Variants in CPSF3 observed in about 807,000 individuals in gnomAD.
The protein encoded by CPSF3 is cleavage and polyadenylation specific factor 3.
A neutral mutation model predicts 84.1 loss-of-function variants in CPSF3; 57 were observed. The observed-to-expected ratio is 0.68, with a 90% CI of 0.55 to 0.85. The LOEUF (loss-of-function observed/expected upper bound fraction) is 0.85, where lower values mean the gene tolerates loss of function less well. Ranked by LOEUF, CPSF3 falls within the 40% of genes least tolerant of loss-of-function variation. The pLI, the probability that CPSF3 is intolerant of heterozygous loss-of-function variation, is 0.00. For synonymous variants in CPSF3, 275 were observed against 278.1 expected, an observed-to-expected ratio of 0.99 and a Z score of 0.11; for missense variants, 522 against 838.8, an observed-to-expected ratio of 0.62 and a Z score of 4.66.
chr2:9,446,008 A>G (rs1291586998), intron 10 of CPSF3, among the ~76,000 whole-genome samples: 1 of 152,226 alleles, frequency 6.6e-6, no homozygotes, highest in Non-Finnish European at 1.5e-5. Flanking sequence ...GTGTGAAATC[A>G]CTTGGTCAAG....
chr2:9,468,653 G>A (rs1682058423), intron 16 of CPSF3, among the ~76,000 whole-genome samples: 1 of 121,426 alleles, frequency 8.2e-6, no homozygotes, highest in South Asian at 2.5e-4. Flanking sequence ...TTGAGACGGA[G>A]TCTCACTCTG....
At chr2:9,444,158 ATTTT>A (rs869193869) in intron 10 of CPSF3, among the ~76,000 whole-genome samples, 22 of 123,178 alleles carry the variant, frequency 1.8e-4, no homozygotes, top group African/African-American at 7.6e-4. Context: ...ATATATATAT[ATTTT>A]TTTTTTTTTT....
intron 11 of CPSF3, among the ~76,000 whole-genome samples, chr2:9,450,104 C>T (rs1007310911): frequency 7.3e-5 from 11 of 150,976 alleles, no homozygotes; most frequent in African/African-American, 2.7e-4. Context: ...CTCAGCTGAT[C>T]CTCCCCTCTC....
intron 10 of CPSF3, among the ~76,000 whole-genome samples, chr2:9,445,369 C>T (rs1681095727): frequency 6.6e-6 from 1 of 152,176 alleles, no homozygotes; most frequent in Non-Finnish European, 1.5e-5. Flanking sequence ...TGGGTGGACA[C>T]TCGGGTTGTG....
intron 11 of CPSF3, among the ~76,000 whole-genome samples, chr2:9,452,350 T>C (rs1156465766): frequency 2.7e-5 from 4 of 150,348 alleles, no homozygotes; most frequent in Admixed American, 1.3e-4. Flanking sequence ...AAAAGAATAG[T>C]GGGTTTCACG....
intron 9 of CPSF3, 28 bp from the exon 10 acceptor site, chr2:9,443,486 GT>G: frequency 6.3e-7 from 1 of 1,592,002 alleles, no homozygotes; most frequent in Non-Finnish European, 8.6e-7. Context: ...TGGGTAGTTT[GT>G]TTTGTTATTT....
chr2:9,428,072 C>A (rs1334111460), intron 1 of CPSF3, among the ~76,000 whole-genome samples: 1 of 151,594 alleles, frequency 6.6e-6, no homozygotes, highest in African/African-American at 2.4e-5. Context: ...TCTCAGCTCA[C>A]TGCAAGCTCC....
chr2:9,437,047 A>G (rs894722240), intron 7 of CPSF3, among the ~76,000 whole-genome samples: 1 of 152,308 alleles, frequency 6.6e-6, no homozygotes, highest in Non-Finnish European at 1.5e-5. Context: ...TGTGTTACAG[A>G]TGAGTAATTA....
intron 2 of CPSF3, 29 bp downstream of exon 2, chr2:9,428,857 T>C: frequency 7.6e-7 from 1 of 1,323,152 alleles, no homozygotes; most frequent in Non-Finnish European, 1.1e-6. Flanking sequence ...CTCAGTTTAA[T>C]AGTATGGCTC....
chr2:9,455,632 T>G (rs760693500), intron 12 of CPSF3, 27 bp from the exon 13 acceptor site: 1 of 1,522,862 alleles, frequency 6.6e-7, no homozygotes, highest in Non-Finnish European at 9.1e-7. Context: ...TAGTATTTCT[T>G]CAAGTCTCTT....
chr2:9,471,258 C>CT, intron 16 of CPSF3, 85 bp from the exon 17 acceptor site: 1 of 812,898 alleles, frequency 1.2e-6, no homozygotes, highest in South Asian at 1.4e-5. Flanking sequence ...TGCTTTAGAA[C>CT]TAGGACCTAT....
In CPSF3 at chr2:9,441,808, T is replaced by C; in HGVS notation, c.937-10T>C. On this transcript the variant is annotated splice_polypyrimidine_tract_variant and intron_variant, in intron 8 of 17. Coordinates refer to ENST00000238112, the MANE Select transcript of CPSF3 (RefSeq NM_016207.4). ...CTAACATACTTTTCCCATTCTGTTT[T>C]CTCTCTTAGAGCATGGATCATTTTG... 1 of 1,612,810 alleles carries C rather than the reference T, an allele frequency of 6.2e-7. No homozygotes were observed. The highest frequency in any genetic ancestry group is 2.2e-5 in the East Asian group (1 of 44,870).
chr2:9,448,067 A>G, intron 10 of CPSF3, 131 bp from the exon 11 acceptor site: 1 of 503,524 alleles, frequency 2.0e-6, no homozygotes, highest in Non-Finnish European at 3.4e-6. Flanking sequence ...TAAAAGTAGT[A>G]AAGTTTCATA....
intron 14 of CPSF3, 118 bp downstream of exon 14, chr2:9,457,145 A>ATT: frequency 2.1e-6 from 1 of 475,228 alleles, no homozygotes; most frequent in East Asian, 3.5e-5. Flanking sequence ...GTTGGAAAGT[A>ATT]TATGTGTGTG....
intron 6 of CPSF3, among the ~76,000 whole-genome samples, chr2:9,435,397 T>C (rs1033617946): frequency 6.6e-6 from 1 of 151,800 alleles, no homozygotes; most frequent in Non-Finnish European, 1.5e-5. Flanking sequence ...TTTCATTTTA[T>C]AAAAAGTTCT....
At chr2:9,468,358 C>T (rs1572813502) in intron 16 of CPSF3, among the ~76,000 whole-genome samples, 1 of 152,238 alleles carries the variant, frequency 6.6e-6, no homozygotes, top group East Asian at 1.9e-4. Context: ...TCCCAAGTAG[C>T]TGGGATCACA....
At chr2:9,466,257 C>CGT (rs55877296) in intron 15 of CPSF3, among the ~76,000 whole-genome samples, 3 of 99,786 alleles carry the variant, frequency 3.0e-5, no homozygotes, top group Admixed American at 9.3e-5. Flanking sequence ...CGCGCACACA[C>CGT]GCACACAAAG....
Position 9,455,669 on chromosome 2 carries a change from C to A in CPSF3, c.1515C>A (p.Asp505Glu). 1 of 1,613,228 alleles carries A rather than the reference C, an allele frequency of 6.2e-7. No homozygotes were observed. The highest frequency in any genetic ancestry group is 1.7e-5 in the Admixed American group (1 of 60,002). Residue 505 changes from aspartate (D) to glutamate (E), a missense_variant, in exon 13 of 18, where the codon GAC becomes GAA. Coordinates refer to ENST00000238112, the MANE Select transcript of CPSF3 (RefSeq NM_016207.4). ...TCATTTTCTCTTCAGATTATACTGA[C>A]CTGGCCATGAGCACGGTGAAGCAGA... ...LSPCDLSNYT[D>E]LAMSTVKQTQ...
At chr2:9,424,066 G>A in intron 1 of CPSF3, 1 of 1,219,562 alleles carries the variant, frequency 8.2e-7, no homozygotes, top group East Asian at 3.5e-5. Context: ...TGTTGGAGTC[G>A]GAAAAAAAAA....
Sources: gnomAD v4.1 joint callset for allele counts (sites outside exome capture counted in the v4.1 genomes callset) on GRCh38, gnomAD v4.1.1 for gene constraint, MANE v1.5 for transcripts, NCBI Gene and HGNC (gene_info 2026-07-23, HGNC 2026-07-21) for gene names.